The following CPNE4 variants were observed in gnomAD, a reference collection of about 807,000 sequenced individuals.
CPNE4 encodes the protein copine 4, also known as copine-4.
In CPNE4, 25 loss-of-function variants were observed where a neutral mutation model predicts 67.9. The ratio of observed to expected loss-of-function variants is 0.37; its 90% CI spans 0.27 to 0.51. The LOEUF is 0.51. Among genes scored for constraint, CPNE4 ranks in the 20% least tolerant of loss-of-function variants. The pLI, the probability that CPNE4 is intolerant of heterozygous loss-of-function variation, is 0.93. For synonymous variants in CPNE4, 242 were observed against 244.9 expected, an observed-to-expected ratio of 0.99 and a Z score of 0.11; for missense variants, 464 against 690.8, an observed-to-expected ratio of 0.67 and a Z score of 3.68.
chr3:131,836,285 AT>A (rs1001359121), intron 2 of CPNE4, among the ~76,000 whole-genome samples: 2 of 152,194 alleles, frequency 1.3e-5, no homozygotes, highest in African/African-American at 4.8e-5. Context: ...TCATTCTAGG[AT>A]GCAAAGCTGG....
upstream of CPNE4, chr3:132,037,539 C>A (rs2074361245): frequency 1.3e-6 from 2 of 1,532,624 alleles, no homozygotes; most frequent in Non-Finnish European, 1.7e-6. Context: ...TCAAAATCCC[C>A]TTGTCTCTAT....
At chr3:131,660,815 A>T (rs2080104632) in intron 7 of CPNE4, among the ~76,000 whole-genome samples, 2 of 152,172 alleles carry the variant, frequency 1.3e-5, no homozygotes, top group African/African-American at 4.8e-5. Flanking sequence ...ACTAGGCCAC[A>T]TTTCCTGGTT....
chr3:131,725,711 T>C (rs2081984569), intron 2 of CPNE4, among the ~76,000 whole-genome samples: 1 of 152,238 alleles, frequency 6.6e-6, no homozygotes, highest in Non-Finnish European at 1.5e-5. Context: ...TTGAAGGTAC[T>C]TTATTTGTCC....
At chr3:131,769,536 C>A (rs186213669) in intron 2 of CPNE4, among the ~76,000 whole-genome samples, 4 of 152,266 alleles carry the variant, frequency 2.6e-5, no homozygotes, top group African/African-American at 9.6e-5. Context: ...GATTACCTGA[C>A]ACTTCAAGCC....
chr3:131,580,045 A>C (rs1937695621), intron 9 of CPNE4, among the ~76,000 whole-genome samples: 1 of 152,150 alleles, frequency 6.6e-6, no homozygotes, highest in Non-Finnish European at 1.5e-5. Context: ...TCAATTAATG[A>C]GAAACTTCAT....
At chr3:131,682,515 G>T (rs1231258642) in intron 6 of CPNE4, among the ~76,000 whole-genome samples, 6 of 152,144 alleles carry the variant, frequency 3.9e-5, no homozygotes, top group Admixed American at 3.3e-4. Flanking sequence ...GTAATGAGCT[G>T]CCTGGAGTTA....
chr3:131,719,522 C>T (rs928515109), intron 3 of CPNE4, among the ~76,000 whole-genome samples: 3 of 152,320 alleles, frequency 2.0e-5, no homozygotes, highest in Admixed American at 2.0e-4. Flanking sequence ...AACACAACCC[C>T]CTAGTTTCCC....
intron 2 of CPNE4, among the ~76,000 whole-genome samples, chr3:131,778,836 C>G (rs1310368470): frequency 2.0e-5 from 3 of 151,960 alleles, no homozygotes; most frequent in Admixed American, 6.6e-5. Context: ...AAGTCCTAGA[C>G]AGAGTAATCA....
At chr3:131,813,914 G>C (rs1488734279) in intron 2 of CPNE4, among the ~76,000 whole-genome samples, 1 of 152,042 alleles carries the variant, frequency 6.6e-6, no homozygotes, top group East Asian at 1.9e-4. Context: ...CTGTATCTTG[G>C]GTCTCTGTGT....
chr3:131,993,472 C>G (rs374947709), intron 1 of CPNE4, among the ~76,000 whole-genome samples: 1 of 60,472 alleles, frequency 1.7e-5, no homozygotes, highest in African/African-American at 5.5e-5. Flanking sequence ...GCAGGAGTGG[C>G]AAAAAAAAAA....
chr3:131,784,152 G>A (rs1033360815), intron 2 of CPNE4, among the ~76,000 whole-genome samples: 3 of 152,048 alleles, frequency 2.0e-5, no homozygotes, highest in Admixed American at 2.0e-4. Context: ...AAGCTAACTG[G>A]TCCACCTGTC....
At chr3:131,849,903 CACA>C (rs1262719168) in intron 2 of CPNE4, among the ~76,000 whole-genome samples, 2 of 152,092 alleles carry the variant, frequency 1.3e-5, no homozygotes, top group Non-Finnish European at 2.9e-5. Context: ...TTCTTTGTTC[CACA>C]ACATCATTGT....
intron 15 of CPNE4, among the ~76,000 whole-genome samples, chr3:131,536,123 A>C (rs1559858232): frequency 6.6e-6 from 1 of 152,120 alleles, no homozygotes; most frequent in East Asian, 1.9e-4. Context: ...GGGTAGTTGC[A>C]GGATTGGTTG....
At chr3:131,999,679 G>A (rs959819177) in intron 1 of CPNE4, among the ~76,000 whole-genome samples, 3 of 152,040 alleles carry the variant, frequency 2.0e-5, no homozygotes, top group African/African-American at 7.2e-5. Context: ...TATATGATAT[G>A]ATAAAGCAAT....
At chr3:131,787,450 A>G (rs1033654650) in intron 2 of CPNE4, among the ~76,000 whole-genome samples, 2 of 152,130 alleles carry the variant, frequency 1.3e-5, no homozygotes, top group Non-Finnish European at 2.9e-5. Context: ...CCCACATGAC[A>G]AGGCTTTTTA....
intron 5 of CPNE4, among the ~76,000 whole-genome samples, chr3:131,687,920 A>G (rs1403618171): frequency 6.6e-6 from 1 of 152,202 alleles, no homozygotes; most frequent in Non-Finnish European, 1.5e-5. Context: ...TTTCACAGAC[A>G]TAGAGGGGGA....
rs551563368 is a variant in CPNE4, at chr3:131,752,545, C to G, written c.181-28920G>C. Among the ~76,000 whole-genome samples, 23 of 152,146 alleles carry G rather than the reference C, an allele frequency of 1.5e-4. No individual in the cohort carries two copies. The South Asian group carries it at 4.8e-3, about 32-fold the overall frequency. ...GTCATTTTCTTTGGGTCTCAAGGTCCCTAGCCAGTCTGCATCCTTCTTTCC... is the reference window on the plus strand; with the variant it reads ...GTCATTTTCTTTGGGTCTCAAGGTCGCTAGCCAGTCTGCATCCTTCTTTCC... On this transcript the variant is annotated intron_variant, in intron 2 of 15. Coordinates refer to ENST00000429747, the MANE Select transcript of CPNE4 (RefSeq NM_130808.3).
intron 3 of CPNE4, among the ~76,000 whole-genome samples, chr3:131,701,100 G>T (rs571157499): frequency 8.5e-6 from 1 of 117,066 alleles, no homozygotes; most frequent in East Asian, 3.1e-4. Flanking sequence ...GTTGTGGGGT[G>T]GGGGGAGGGA....
upstream of CPNE4, chr3:132,035,043 G>A (rs1583628067): frequency 2.0e-5 from 20 of 985,448 alleles, no homozygotes; most frequent in Non-Finnish European, 2.4e-5. Context: ...AACCCGGCAA[G>A]AGACTGGTTC....
Sources: gnomAD v4.1 joint callset for allele counts (sites outside exome capture counted in the v4.1 genomes callset) on GRCh38, gnomAD v4.1.1 for gene constraint, MANE v1.5 for transcripts, NCBI Gene and HGNC (gene_info 2026-07-23, HGNC 2026-07-21) for gene names.